Variants in ARHGAP26 observed in about 807,000 individuals in gnomAD.
The protein encoded by ARHGAP26 is Rho GTPase activating protein 26.
Under a neutral mutation model 104.8 loss-of-function variants are expected in ARHGAP26, and 38 were observed. The observed-to-expected ratio is 0.36, with a 90% CI of 0.28 to 0.48. The LOEUF is 0.48. ARHGAP26 is among the 20% of genes least tolerant of loss of function. The pLI, the probability that ARHGAP26 is intolerant of heterozygous loss-of-function variation, is 0.99. For synonymous variants in ARHGAP26, 341 were observed against 340.0 expected (o/e 1.00, Z -0.03); for missense variants, 704 against 947.9 (o/e 0.74, Z 3.38).
chr5:143,025,965 A>T (rs1049963042), intron 12 of ARHGAP26, among the ~76,000 whole-genome samples: 1 of 146,198 alleles, frequency 6.8e-6, no homozygotes, highest in African/African-American at 2.7e-5. Flanking sequence ...TCAAGAAACA[A>T]TGAAAAAAAA....
At chr5:143,078,309 C>G (rs1357063899) in intron 17 of ARHGAP26, among the ~76,000 whole-genome samples, 2 of 152,134 alleles carry the variant, frequency 1.3e-5, no homozygotes, top group Non-Finnish European at 2.9e-5. Flanking sequence ...GCAACCATCC[C>G]GAGAGTGAGT....
At chr5:143,177,430 C>T (rs994311344) in intron 20 of ARHGAP26, among the ~76,000 whole-genome samples, 3 of 152,142 alleles carry the variant, frequency 2.0e-5, no homozygotes, top group African/African-American at 7.2e-5. Context: ...TCATCGAATG[C>T]CAAGACGCTC....
chr5:142,964,543 A>AAC (rs200282524), intron 11 of ARHGAP26, among the ~76,000 whole-genome samples: 1,495 of 74,728 alleles, frequency 0.02, 14 homozygotes, highest in South Asian at 0.036. Context: ...CTCTGTTTAA[A>AAC]ACACACACAC....
rs375099352 is a variant in ARHGAP26 at position 143,211,898 on chromosome 5, A to G, written c.2100-2099A>G. Among the ~76,000 whole-genome samples the G allele has an allele frequency of 1.8e-4, 27 of 152,210 alleles. No individual in the cohort carries two copies. In the South Asian group the frequency reaches 2.5e-3, roughly 14 times the overall value. On this transcript the variant is annotated intron_variant, in intron 21 of 22. Transcript: ENST00000645722. ...TATGTTATTGCCACTTCATTATTCA[A>G]TTTCACAAACCTAATATCAATGGAA...
Position 142,804,717 on chromosome 5 carries a change from C to G in ARHGAP26, c.154+33802C>G, listed in dbSNP as rs143122370. Among the ~76,000 whole-genome samples, 870 of 152,244 alleles carry G rather than the reference C, an allele frequency of 5.7e-3. 17 individuals are homozygous for G. The East Asian group carries it at 0.063, about 11-fold the overall frequency. On this transcript the variant is annotated intron_variant, in intron 1 of 22. Coordinates refer to ENST00000645722, the MANE Select transcript of ARHGAP26 (RefSeq NM_001135608.3). Reference sequence around the variant, plus strand: ...ATGTTGCCTAGGCTGGTCTCAAACTCCTGACCTCAGGTGATCCACCTGCCT... The same window carrying G: ...ATGTTGCCTAGGCTGGTCTCAAACTGCTGACCTCAGGTGATCCACCTGCCT...
chr5:143,082,560 G>C (rs1789979731), intron 17 of ARHGAP26, among the ~76,000 whole-genome samples: 1 of 152,188 alleles, frequency 6.6e-6, no homozygotes, highest in Non-Finnish European at 1.5e-5. Context: ...TTACAGAGGA[G>C]AACACTGAGA....
intron 11 of ARHGAP26, among the ~76,000 whole-genome samples, chr5:142,985,632 T>C (rs1222303125): frequency 6.7e-6 from 1 of 150,212 alleles, no homozygotes. Context: ...ATTAGGTATA[T>C]CTCCTAATGC....
chr5:143,057,072 G>A (rs1785934176), intron 16 of ARHGAP26, among the ~76,000 whole-genome samples: 1 of 152,170 alleles, frequency 6.6e-6, no homozygotes, highest in East Asian at 1.9e-4. Context: ...CCAAGAGAAT[G>A]TGACAAGCCA....
chr5:143,000,684 A>G (rs1777072611), intron 11 of ARHGAP26, among the ~76,000 whole-genome samples: 1 of 152,268 alleles, frequency 6.6e-6, no homozygotes, highest in Non-Finnish European at 1.5e-5. Context: ...ACACCATGGA[A>G]TACTATGCAG....
intron 17 of ARHGAP26, among the ~76,000 whole-genome samples, chr5:143,110,619 A>G (rs1436810555): frequency 1.3e-5 from 2 of 152,208 alleles, no homozygotes; most frequent in African/African-American, 4.8e-5. Flanking sequence ...ATCTTTTTCT[A>G]GATGTGAGAA....
intron 2 of ARHGAP26, among the ~76,000 whole-genome samples, chr5:142,874,173 C>T (rs1186295337): frequency 6.6e-6 from 1 of 152,292 alleles, no homozygotes; most frequent in Non-Finnish European, 1.5e-5. Flanking sequence ...TTTATCACCA[C>T]GGTGTGTTGC....
chr5:143,063,182 C>T (rs929815469), intron 17 of ARHGAP26, among the ~76,000 whole-genome samples: 4 of 152,188 alleles, frequency 2.6e-5, no homozygotes, highest in African/African-American at 7.2e-5. Context: ...TTTTCCCTCA[C>T]TGACTCCCAC....
intron 10 of ARHGAP26, among the ~76,000 whole-genome samples, chr5:142,916,182 C>T (rs1258689992): frequency 6.6e-6 from 1 of 152,184 alleles, no homozygotes; most frequent in Non-Finnish European, 1.5e-5. Context: ...ATGTTTTATT[C>T]TATCAAGATA....
intron 12 of ARHGAP26, among the ~76,000 whole-genome samples, chr5:143,031,362 C>T (rs1467842565): frequency 6.6e-6 from 1 of 152,172 alleles, no homozygotes; most frequent in African/African-American, 2.4e-5. Flanking sequence ...ATAAGAAGAC[C>T]AGCCAGGAGG....
At chr5:142,826,201 A>C (rs759969509) in intron 1 of ARHGAP26, among the ~76,000 whole-genome samples, 1 of 152,202 alleles carries the variant, frequency 6.6e-6, no homozygotes, top group Non-Finnish European at 1.5e-5. Flanking sequence ...TAATGAACTG[A>C]TGCTTCGTCT....
chr5:142,829,573 C>T (rs112178817), intron 1 of ARHGAP26, among the ~76,000 whole-genome samples: 1,954 of 152,250 alleles, frequency 0.013, 47 homozygotes, highest in African/African-American at 0.045. Flanking sequence ...GGGTGAGGTG[C>T]AGTGTGATAT....
chr5:142,781,504 C>G (rs1478131421), intron 1 of ARHGAP26, among the ~76,000 whole-genome samples: 1 of 152,046 alleles, frequency 6.6e-6, no homozygotes, highest in African/African-American at 2.4e-5. Context: ...TGTCCCAAGG[C>G]AGAAGTATGT....
intron 20 of ARHGAP26, among the ~76,000 whole-genome samples, chr5:143,156,423 C>G (rs1309349108): frequency 1.3e-5 from 2 of 152,162 alleles, no homozygotes; most frequent in East Asian, 3.8e-4. Flanking sequence ...TAGCTCTGTG[C>G]ACTGGTTCTC....
At chr5:142,866,346 C>G (rs762545319) in intron 1 of ARHGAP26, among the ~76,000 whole-genome samples, 14 of 152,200 alleles carry the variant, frequency 9.2e-5, no homozygotes, top group Non-Finnish European at 2.1e-4. Context: ...CATTACCACT[C>G]ATTCCCTGCA....
Sources: gnomAD v4.1 joint callset for allele counts (sites outside exome capture counted in the v4.1 genomes callset) on GRCh38, gnomAD v4.1.1 for gene constraint, MANE v1.5 for transcripts, NCBI Gene and HGNC (gene_info 2026-07-23, HGNC 2026-07-21) for gene names.